ANKFN1: variants seen among roughly 807,000 people sequenced by gnomAD.
ANKFN1 encodes the protein ankyrin repeat and fibronectin type III domain containing 1, also known as ankyrin repeat and fibronectin type-III domain-containing protein 1.
ANKFN1 carries 74 observed loss-of-function variants against 108.7 expected under a neutral mutation model. The observed-to-expected ratio is 0.68, with a 90% confidence interval of 0.56 to 0.83. The LOEUF is 0.83. Ranked by LOEUF, ANKFN1 falls within the 40% of genes least tolerant of loss-of-function variation. The pLI is 0.00. For synonymous variants in ANKFN1, 547 were observed against 516.2 expected (o/e 1.06, Z -0.81); for missense variants, 1,505 against 1,382.3 (o/e 1.09, Z -1.41).
At chr17:56,236,225 T>G (rs1253115800) in intron 3 of ANKFN1, among the ~76,000 whole-genome samples, 1 of 151,932 alleles carries the variant, frequency 6.6e-6, no homozygotes, top group Non-Finnish European at 1.5e-5. Context: ...CCCCGGCTAC[T>G]TTTTTGTATT....
At chr17:56,082,202 A>G (rs1052674393) in intron 4 of ANKFN1, among the ~76,000 whole-genome samples, 2 of 152,170 alleles carry the variant, frequency 1.3e-5, no homozygotes, top group African/African-American at 4.8e-5. Context: ...CTTTATGGAA[A>G]CTAGACCTCA....
chr17:56,089,367 C>A (rs1598092437), intron 4 of ANKFN1, among the ~76,000 whole-genome samples: 2 of 151,360 alleles, frequency 1.3e-5, no homozygotes, highest in Admixed American at 6.6e-5. Flanking sequence ...GCGATAAATA[C>A]ACCATATACA....
intron 3 of ANKFN1, among the ~76,000 whole-genome samples, chr17:56,252,827 A>G: frequency 6.6e-6 from 1 of 151,838 alleles, no homozygotes; most frequent in East Asian, 1.9e-4. Flanking sequence ...TTGGAGCCCC[A>G]CGAGGGAGGA....
upstream of ANKFN1, among the ~76,000 whole-genome samples, chr17:56,150,970 G>A (rs889920802): frequency 6.6e-6 from 1 of 152,162 alleles, no homozygotes; most frequent in Non-Finnish European, 1.5e-5. Context: ...TGACCAGGTG[G>A]AATGATCAGC....
chr17:56,336,367 A>G (rs1445713400), intron 4 of ANKFN1, among the ~76,000 whole-genome samples: 1 of 152,132 alleles, frequency 6.6e-6, no homozygotes, highest in Non-Finnish European at 1.5e-5. Flanking sequence ...TTTGGTTGGT[A>G]GGCTATTGAT....
chr17:56,324,926 G>A (rs1194611187), intron 3 of ANKFN1, among the ~76,000 whole-genome samples: 3 of 152,214 alleles, frequency 2.0e-5, no homozygotes, highest in Non-Finnish European at 4.4e-5. Context: ...ACCTGTTGGG[G>A]GTGAGCGAGC....
intron 3 of ANKFN1, among the ~76,000 whole-genome samples, chr17:56,307,390 AAAC>A (rs1360505108): frequency 6.6e-6 from 1 of 151,708 alleles, no homozygotes; most frequent in Non-Finnish European, 1.5e-5. Context: ...AGAAAAAAAC[AAAC>A]AACCCCATCA....
chr17:56,307,590 G>A (rs1300179059), intron 3 of ANKFN1, among the ~76,000 whole-genome samples: 1 of 152,218 alleles, frequency 6.6e-6, no homozygotes, highest in Non-Finnish European at 1.5e-5. Flanking sequence ...AGGTGCTGGA[G>A]AGGATGTGGA....
At chr17:56,283,397 GA>G (rs1277676725) in intron 3 of ANKFN1, among the ~76,000 whole-genome samples, 2 of 151,962 alleles carry the variant, frequency 1.3e-5, no homozygotes, top group Non-Finnish European at 1.5e-5. Context: ...TTACCCAGAG[GA>G]AAAGAAGTCA....
chr17:56,097,957 T>C (rs1396205253), intron 4 of ANKFN1, among the ~76,000 whole-genome samples: 1 of 152,210 alleles, frequency 6.6e-6, no homozygotes, highest in Non-Finnish European at 1.5e-5. Flanking sequence ...TCTGTGAATG[T>C]TATCTTCTAT....
At chr17:56,267,899 T>G (rs1209446819) in intron 3 of ANKFN1, among the ~76,000 whole-genome samples, 2 of 152,102 alleles carry the variant, frequency 1.3e-5, no homozygotes, top group Non-Finnish European at 2.9e-5. Context: ...TTCCATAGGA[T>G]TTTTAGAATT....
intron 3 of ANKFN1, among the ~76,000 whole-genome samples, chr17:56,237,287 G>A (rs1917225338): frequency 6.6e-6 from 1 of 152,164 alleles, no homozygotes; most frequent in African/African-American, 2.4e-5. Flanking sequence ...ATGAGGTGGG[G>A]AAGAATTAGT....
At chr17:56,097,400 A>G (rs1054856263) in intron 4 of ANKFN1, among the ~76,000 whole-genome samples, 3 of 152,140 alleles carry the variant, frequency 2.0e-5, no homozygotes, top group Non-Finnish European at 2.9e-5. Flanking sequence ...CTCTTACTGG[A>G]CGTGTCTCTG....
At chr17:56,273,575 A>G (rs528620945) in intron 3 of ANKFN1, among the ~76,000 whole-genome samples, 1 of 152,324 alleles carries the variant, frequency 6.6e-6, no homozygotes, top group East Asian at 1.9e-4. Context: ...ATTTTTATTC[A>G]CATATGTAAT....
intron 2 of ANKFN1, among the ~76,000 whole-genome samples, chr17:56,217,829 T>C: frequency 6.6e-6 from 1 of 152,190 alleles, no homozygotes; most frequent in East Asian, 1.9e-4. Flanking sequence ...GTTTTGGGTA[T>C]AGAACTTTTA....
At chr17:56,310,401 A>C (rs942408354) in intron 3 of ANKFN1, among the ~76,000 whole-genome samples, 1 of 152,132 alleles carries the variant, frequency 6.6e-6, no homozygotes, top group Non-Finnish European at 1.5e-5. Context: ...GCGGATCACG[A>C]GGTCAGGAGA....
chr17:56,079,423 G>A (rs1905219234), intron 4 of ANKFN1, among the ~76,000 whole-genome samples: 1 of 152,158 alleles, frequency 6.6e-6, no homozygotes, highest in African/African-American at 2.4e-5. Flanking sequence ...ACCAGCAGTG[G>A]GGCCTAGCAG....
chr17:56,506,038 T>C (rs2051546486), intron 20 of ANKFN1, among the ~76,000 whole-genome samples: 1 of 99,896 alleles, frequency 1.0e-5, no homozygotes, highest in Admixed American at 1.3e-4. Flanking sequence ...GAAAGTGACA[T>C]TATTTGTTTT....
At chr17:56,320,674 G>T (rs2045339152) in intron 3 of ANKFN1, among the ~76,000 whole-genome samples, 1 of 152,120 alleles carries the variant, frequency 6.6e-6, no homozygotes, top group Admixed American at 6.6e-5. Flanking sequence ...CAGAAGCATG[G>T]ACTCCGATTA....
Sources: gnomAD v4.1 joint callset for allele counts (sites outside exome capture counted in the v4.1 genomes callset) on GRCh38, gnomAD v4.1.1 for gene constraint, MANE v1.5 for transcripts, NCBI Gene and HGNC (gene_info 2026-07-23, HGNC 2026-07-21) for gene names.